Variants in RAB3C observed in about 807,000 individuals in gnomAD.
RAB3C encodes ras-related protein Rab-3C.
Under a neutral mutation model 26.4 loss-of-function variants are expected in RAB3C, and 17 were observed. The ratio of observed to expected loss-of-function variants is 0.64; its 90% confidence interval spans 0.44 to 0.97. The LOEUF is 0.97. Among genes scored for constraint, RAB3C ranks in the 50% least tolerant of loss-of-function variants. The probability of loss-of-function intolerance (pLI) is 0.00; values close to 1 mark genes in which losing one functional copy is unlikely to be tolerated. For missense variants in RAB3C, 242 were observed against 281.9 expected (o/e 0.86, Z 1.01); for synonymous variants, 91 against 95.9 (o/e 0.95, Z 0.30).
At chr5:58,732,874 A>G (rs1741057131) in intron 3 of RAB3C, among the ~76,000 whole-genome samples, 1 of 152,118 alleles carries the variant, frequency 6.6e-6, no homozygotes, top group Admixed American at 6.6e-5. Context: ...TGAACTTCTC[A>G]TACCTCTGGG....
chr5:58,815,640 T>C (rs12188672), intron 3 of RAB3C: 32,808 of 152,144 alleles, frequency 0.22, 4,574 homozygotes, highest in Non-Finnish European at 0.31. Context: ...GTAATTTATT[T>C]TGTGCTTATA....
At position 58,603,251 on chromosome 5, in the gene RAB3C, T is replaced by C. The variant is rs190930545; in HGVS notation, c.25-14392T>C. On this transcript the variant is annotated intron_variant, in intron 1 of 4. Coordinates refer to ENST00000282878, the MANE Select transcript of RAB3C (RefSeq NM_138453.4). ...CTGTCTCACAGCTCTTAAGATTCTT[T>C]CCTTTGTCTTAACTTTGAATAACCT... is the stretch of plus-strand genomic sequence containing the variant. 2.0e-3 allele frequency among the ~76,000 whole-genome samples: 300 copies of C among 152,304 alleles called. 1 individual carries two copies. The highest frequency in any genetic ancestry group is 6.7e-3 in the African/African-American group (280 of 41,564).
At chr5:58,731,307 C>T (rs1741016104) in intron 3 of RAB3C, among the ~76,000 whole-genome samples, 2 of 152,036 alleles carry the variant, frequency 1.3e-5, no homozygotes, top group South Asian at 4.2e-4. Flanking sequence ...CCAAATTCCC[C>T]AGTTCTGTAA....
rs2459404 is a variant in RAB3C at position 58,859,316 on chromosome 5, A to T, written c.*7965A>T. 0.83 allele frequency: 126,672 copies of T among 152,224 alleles called. 53,399 individuals carry two copies. Among genetic ancestry groups the T allele is most frequent in the Middle Eastern group, 0.94 (275 of 294 alleles). The allele number at this position is 152,224 out of a possible 1,614,324, so 9.4% of individuals were successfully genotyped here. ...ATTCAGTTTGTATGTGAATTCTATA[A>T]AGAAAGTGGTTTTTGTTCTTTGAGT... On this transcript the variant is annotated 3_prime_UTR_variant, in exon 5 of 5. Coordinates refer to ENST00000282878, the MANE Select transcript of RAB3C (RefSeq NM_138453.4).
rs917966899 is a variant in RAB3C at position 58,731,680 on chromosome 5, T to A, written c.371+5560T>A. 3.9e-5 allele frequency among the ~76,000 whole-genome samples: 6 copies of A among 152,182 alleles called. No individual in the cohort carries two copies. The South Asian group carries it at 8.3e-4, about 21-fold the overall frequency. ...GACCATTGATCTCACAGGAACGTCT[T>A]CAGAGGTGCTTTATGAATAATGCAT... On this transcript the variant is annotated intron_variant, in intron 3 of 4. Coordinates refer to ENST00000282878, the MANE Select transcript of RAB3C (RefSeq NM_138453.4).
chr5:58,663,002 G>A (rs575520454), intron 2 of RAB3C, among the ~76,000 whole-genome samples: 35 of 150,334 alleles, frequency 2.3e-4, no homozygotes, highest in Admixed American at 9.2e-4. Flanking sequence ...ATATAAGCAC[G>A]GAATTGCTTG....
chr5:58,813,780 T>TATTATTTAACTCTGGACTTAAA (rs1224079829), intron 3 of RAB3C, among the ~76,000 whole-genome samples: 3 of 70,084 alleles, frequency 4.3e-5, no homozygotes, highest in Non-Finnish European at 8.5e-5. Flanking sequence ...ATTCAGTGAA[T>TATTATTTAACTCTGGACTTAAA]GCACACATAC....
intron 4 of RAB3C, among the ~76,000 whole-genome samples, chr5:58,839,502 C>T (rs1183277465): frequency 1.3e-5 from 2 of 151,984 alleles, no homozygotes; most frequent in Non-Finnish European, 2.9e-5. Context: ...TCCCAAGTAG[C>T]TAGGATTACA....
At chr5:58,799,255 T>A (rs2112024874) in intron 3 of RAB3C, among the ~76,000 whole-genome samples, 1 of 152,164 alleles carries the variant, frequency 6.6e-6, no homozygotes, top group Admixed American at 6.5e-5. Context: ...AAGTGTTATA[T>A]GAAAAGAGAC....
At chr5:58,678,407 G>T (rs2111836263) in intron 2 of RAB3C, among the ~76,000 whole-genome samples, 1 of 152,034 alleles carries the variant, frequency 6.6e-6, no homozygotes, top group East Asian at 1.9e-4. Context: ...TATTTTGATG[G>T]GAACACATGG....
chr5:58,641,729 T>A (rs1747416365), intron 2 of RAB3C, among the ~76,000 whole-genome samples: 1 of 152,226 alleles, frequency 6.6e-6, no homozygotes, highest in Admixed American at 6.5e-5. Flanking sequence ...TTCAGCACCA[T>A]CTAGGTGGAC....
intron 2 of RAB3C, among the ~76,000 whole-genome samples, chr5:58,717,135 G>T (rs901522924): frequency 3.9e-5 from 6 of 152,074 alleles, no homozygotes; most frequent in Admixed American, 1.3e-4. Flanking sequence ...TTAAAAAGTT[G>T]ATTATTAAGA....
intron 3 of RAB3C, among the ~76,000 whole-genome samples, chr5:58,762,924 C>A (rs777600658): frequency 5.3e-5 from 8 of 152,046 alleles, no homozygotes; most frequent in Non-Finnish European, 7.4e-5. Flanking sequence ...ACAGAATTTT[C>A]TTTACTCGTG....
chr5:58,611,035 C>T (rs1350084996), intron 1 of RAB3C, among the ~76,000 whole-genome samples: 15 of 152,078 alleles, frequency 9.9e-5, no homozygotes. Context: ...AGTTAGTTTG[C>T]CAAGAATAAT....
intron 2 of RAB3C, among the ~76,000 whole-genome samples, chr5:58,629,562 T>C (rs1243974890): frequency 6.6e-6 from 1 of 152,132 alleles, no homozygotes; most frequent in African/African-American, 2.4e-5. Flanking sequence ...GGCTTAGCTA[T>C]AGCAAAGGGA....
At chr5:58,632,799 C>A (rs993244341) in intron 2 of RAB3C, among the ~76,000 whole-genome samples, 10 of 152,182 alleles carry the variant, frequency 6.6e-5, no homozygotes, top group Non-Finnish European at 2.9e-5. Flanking sequence ...CTATTACCAT[C>A]CCCTTCCCTC....
chr5:58,583,235 G>T lies in RAB3C; in HGVS notation c.24+3G>T, dbSNP rs1745941966. The T allele has an allele frequency of 6.2e-7, 1 of 1,614,196 alleles. No individual in the cohort carries two copies. The highest frequency in any genetic ancestry group is 8.5e-7 in the Non-Finnish European group (1 of 1,180,036). ...TGAGACACGAAGCGCCCATGCAGGT[G>T]GGTCCATAAAGAAAGAGTGGCCTCG... On this transcript the variant is annotated splice_donor_region_variant and intron_variant, in intron 1 of 4. Coordinates refer to ENST00000282878, the MANE Select transcript of RAB3C (RefSeq NM_138453.4).
At position 58,631,813 on chromosome 5, in the gene RAB3C, C is replaced by T. The variant is rs191010616; in HGVS notation, c.252+13943C>T. 2.2e-3 allele frequency among the ~76,000 whole-genome samples: 339 copies of T among 152,214 alleles called. 1 individual carries two copies. Among genetic ancestry groups the T allele is most frequent in the Non-Finnish European group, 3.9e-3 (263 of 68,010 alleles). ...CAAAACTCAGAATATTTTATCTCTA[C>T]CACTTAATTTGTCACAAATTTACAG... On this transcript the variant is annotated intron_variant, in intron 2 of 4. Coordinates refer to ENST00000282878, the MANE Select transcript of RAB3C (RefSeq NM_138453.4).
chr5:58,627,985 G>A (rs890845241), intron 2 of RAB3C, among the ~76,000 whole-genome samples: 2 of 151,862 alleles, frequency 1.3e-5, no homozygotes, highest in African/African-American at 2.4e-5. Context: ...GTGAAACCCC[G>A]TCTCTACTAA....
Sources: gnomAD v4.1 joint callset for allele counts (sites outside exome capture counted in the v4.1 genomes callset) on GRCh38, gnomAD v4.1.1 for gene constraint, MANE v1.5 for transcripts, NCBI Gene and HGNC (gene_info 2026-07-23, HGNC 2026-07-21) for gene names.